ARHGEF18: variants seen among roughly 807,000 people sequenced by gnomAD.
ARHGEF18 encodes the protein Rho/Rac guanine nucleotide exchange factor 18.
Under a neutral mutation model 155.7 loss-of-function variants are expected in ARHGEF18, and 93 were observed. That is an observed-to-expected ratio of 0.60 (90% CI 0.50 to 0.71). ARHGEF18 has a LOEUF of 0.71. Ranked by LOEUF, ARHGEF18 falls within the 30% of genes least tolerant of loss-of-function variation. The probability of loss-of-function intolerance (pLI) is 0.00; values close to 1 mark genes in which losing one functional copy is unlikely to be tolerated. For synonymous variants in ARHGEF18, 742 were observed against 753.1 expected (o/e 0.99, Z 0.24); for missense variants, 1,593 against 1,816.1 (o/e 0.88, Z 2.23).
rs746160747 is a variant in ARHGEF18, at chr19:7,463,510, C to T, written c.2636-308C>T. On this transcript the variant is annotated intron_variant, in intron 21 of 28. Transcript: ENST00000668164. This position sits in a 1 kb window ranked among gnomAD's most constrained non-coding sequence, Gnocchi z 5.2. ...CCTGGGCAGGGCCACATCCAGCATTCGCCAGCCCCTGGCCCAGGGCGGCCT... is the reference window on the plus strand; with the variant it reads ...CCTGGGCAGGGCCACATCCAGCATTTGCCAGCCCCTGGCCCAGGGCGGCCT... 5.9e-5 allele frequency among the ~76,000 whole-genome samples: 9 copies of T among 152,212 alleles called. No individual in the cohort carries two copies. The highest frequency in any genetic ancestry group is 1.2e-4 in the Non-Finnish European group (8 of 68,038).
chr19:7,371,947 G>A (rs1003977319), intron 2 of ARHGEF18, among the ~76,000 whole-genome samples: 9 of 152,176 alleles, frequency 5.9e-5, no homozygotes, highest in Admixed American at 2.0e-4. Context: ...CAAACCCTGC[G>A]TAGCTCCTCC....
At chr19:7,406,790 C>T (rs1396594515) in intron 10 of ARHGEF18, among the ~76,000 whole-genome samples, 1 of 152,118 alleles carries the variant, frequency 6.6e-6, no homozygotes, top group Non-Finnish European at 1.5e-5. Context: ...CACAGTGGCT[C>T]ACGCCTGTAA....
At chr19:7,434,008 G>T (rs964994394) in intron 10 of ARHGEF18, among the ~76,000 whole-genome samples, 2 of 140,740 alleles carry the variant, frequency 1.4e-5, no homozygotes, top group African/African-American at 5.4e-5. Flanking sequence ...GACAGAGTGA[G>T]ATCTGTCTCA....
chr19:7,416,502 G>A (rs1004925604), intron 10 of ARHGEF18, among the ~76,000 whole-genome samples: 3 of 151,268 alleles, frequency 2.0e-5, no homozygotes, highest in African/African-American at 7.3e-5. Flanking sequence ...AGTGCAAGGA[G>A]GCTGTGATGT....
Position 7,441,721 on chromosome 19 carries a change from C to G in ARHGEF18, c.1175C>G (p.Ser392Cys), listed in dbSNP as rs1337146738. The change falls in exon 12 of 29, where the codon TCT becomes TGT. Residue 392 changes from serine (S) to cysteine (C), a missense_variant. Coordinates refer to ENST00000668164, the MANE Select transcript of ARHGEF18 (RefSeq NM_001367823.1). ...AAATTTAAGCAGACAGCTGATGACTCTCTGTCCCTTACATCTCCAAACACC... is the reference window on the plus strand; with the variant it reads ...AAATTTAAGCAGACAGCTGATGACTGTCTGTCCCTTACATCTCCAAACACC... ...FLKFKQTADD[S>C]LSLTSPNTES... The G allele has an allele frequency of 1.4e-5, 22 of 1,614,116 alleles. No individual in the cohort carries two copies. Among genetic ancestry groups the G allele is most frequent in the Non-Finnish European group, 1.6e-5 (19 of 1,180,058 alleles).
chr19:7,409,435 T>C (rs1426577602), intron 10 of ARHGEF18, among the ~76,000 whole-genome samples: 1 of 149,764 alleles, frequency 6.7e-6, no homozygotes, highest in African/African-American at 2.4e-5. Flanking sequence ...AGAGTCTTTT[T>C]TTTTTTTTTT....
At chr19:7,458,269 A>G (rs1975971802) in intron 18 of ARHGEF18, among the ~76,000 whole-genome samples, 1 of 148,390 alleles carries the variant, frequency 6.7e-6, no homozygotes, top group Non-Finnish European at 1.5e-5. Flanking sequence ...CCTGGGTGAC[A>G]GAGCAAGACC....
In ARHGEF18 at chr19:7,440,038, C is replaced by G; in HGVS notation, c.968-306C>G. The G allele has an allele frequency of 6.4e-7, 1 of 1,550,710 alleles. No homozygotes were observed. The stretch of plus-strand genomic sequence containing the variant: ...GCTCTGTTTTCTAGAAGGATCCCAC[C>G]GAGGCATAAAAACGGCGCAGCCCAG... On this transcript the variant is annotated intron_variant, in intron 10 of 28. Coordinates refer to ENST00000668164, the MANE Select transcript of ARHGEF18 (RefSeq NM_001367823.1). The surrounding 1 kb of genome is among the most constrained non-coding windows in gnomAD (Gnocchi z 5.4).
intron 14 of ARHGEF18, 123 bp from the exon 15 acceptor site, chr19:7,446,920 A>G: frequency 7.8e-7 from 1 of 1,280,924 alleles, no homozygotes; most frequent in Non-Finnish European, 1.1e-6. Context: ...AAGAAGAAGA[A>G]AGAAAGAAAA....
Position 7,362,788 on chromosome 19 carries a change from GC to G in ARHGEF18, c.-100del, listed in dbSNP as rs1341234290. On this transcript the variant is annotated 5_prime_UTR_variant, in exon 2 of 29. Transcript: ENST00000668164. ...TCCCTCCTTTCTCCACAGGCTCTGA[GC>G]CCAAGTCATGTGTCCAGCCTTTTGA... 3 of 1,234,080 alleles carry G rather than the reference GC, an allele frequency of 2.4e-6. No homozygotes were observed. Among genetic ancestry groups the G allele is most frequent in the Non-Finnish European group, 3.0e-6 (3 of 988,090 alleles). 76.4% of individuals were successfully genotyped at this position (1,234,080 alleles called of 1,614,324 possible). A position where few individuals can be genotyped will look rare whatever the true frequency, so the allele number is the denominator to read the frequency against.
downstream of ARHGEF18, chr19:7,472,566 G>A (rs1193899649): frequency 5.8e-6 from 1 of 173,506 alleles, no homozygotes; most frequent in African/African-American, 2.4e-5. Flanking sequence ...GGTTCTGTTG[G>A]GGGCTCCCCA....
At chr19:7,456,937 T>C (rs1975867905) in intron 18 of ARHGEF18, among the ~76,000 whole-genome samples, 1 of 152,030 alleles carries the variant, frequency 6.6e-6, no homozygotes, top group South Asian at 2.1e-4. Context: ...GGTTTCACCA[T>C]GTTGGCCAGG....
chr19:7,473,550 G>A (rs1272270744), downstream of ARHGEF18, among the ~76,000 whole-genome samples: 14 of 152,110 alleles, frequency 9.2e-5, no homozygotes, highest in South Asian at 1.0e-3. Flanking sequence ...AGTGGCTCAC[G>A]CGTGTAATCC....
chr19:7,459,538 C>G (rs747935114), intron 19 of ARHGEF18, among the ~76,000 whole-genome samples: 1 of 152,166 alleles, frequency 6.6e-6, no homozygotes, highest in Non-Finnish European at 1.5e-5. Context: ...TCTTGATTCC[C>G]GGAGGCTTCC....
Position 7,463,574 on chromosome 19 carries a change from A to C in ARHGEF18, c.2636-244A>C, listed in dbSNP as rs1285643713. ...GCAGGAGCCTGTACCCGCCCTCCCCATGGCTGCCCCACAGCCCTGTCCTCT... is the reference window on the plus strand; with the variant it reads ...GCAGGAGCCTGTACCCGCCCTCCCCCTGGCTGCCCCACAGCCCTGTCCTCT... On this transcript the variant is annotated intron_variant, in intron 21 of 28. Transcript: ENST00000668164. This position sits in a 1 kb window ranked among gnomAD's most constrained non-coding sequence, Gnocchi z 5.2. Among the ~76,000 whole-genome samples the C allele has an allele frequency of 6.6e-6, 1 of 152,050 alleles. No individual in the cohort carries two copies. Among genetic ancestry groups the C allele is most frequent in the Non-Finnish European group, 1.5e-5 (1 of 67,992 alleles).
At position 7,395,176 on chromosome 19, in the gene ARHGEF18, G is replaced by T; in HGVS notation, c.967+11973G>T. Reference sequence around the variant, plus strand: ...TACTGTGGATCTGGGGGGGCCGGACGGAGGCATCGGAGGCGGCTGCGAGAG... The same window carrying T: ...TACTGTGGATCTGGGGGGGCCGGACTGAGGCATCGGAGGCGGCTGCGAGAG... On this transcript the variant is annotated intron_variant, in intron 10 of 28. Transcript: ENST00000668164. The surrounding 1 kb of genome is among the most constrained non-coding windows in gnomAD (Gnocchi z 5.0). The T allele has an allele frequency of 2.0e-6, 2 of 986,118 alleles. No homozygotes were observed. The highest frequency in any genetic ancestry group is 9.4e-5 in the South Asian group (2 of 21,308). The allele number at this position is 986,118 out of a possible 1,614,324, so 61.1% of individuals were successfully genotyped here. A position where few individuals can be genotyped will look rare whatever the true frequency, so the allele number is the denominator to read the frequency against.
rs1248637475 is a variant in ARHGEF18 at position 7,463,114 on chromosome 19, G to A, written c.2636-704G>A. Among the ~76,000 whole-genome samples, 1 of 152,110 alleles carries A rather than the reference G, an allele frequency of 6.6e-6. No homozygotes were observed. Among genetic ancestry groups the A allele is most frequent in the East Asian group, 1.9e-4 (1 of 5,186 alleles). ...CTCCCAAGGTGCTGGGATTATAGGC[G>A]TGAGCCACCGCGCCCTGCCTCAATC... On this transcript the variant is annotated intron_variant, in intron 21 of 28. Coordinates refer to ENST00000668164, the MANE Select transcript of ARHGEF18 (RefSeq NM_001367823.1). This position sits in a 1 kb window ranked among gnomAD's most constrained non-coding sequence, Gnocchi z 5.2.
intron 10 of ARHGEF18, among the ~76,000 whole-genome samples, chr19:7,438,320 T>G (rs1203034923): frequency 6.6e-6 from 1 of 151,866 alleles, no homozygotes; most frequent in Non-Finnish European, 1.5e-5. Context: ...AGGCTGGTTT[T>G]GAACTCCTGG....
chr19:7,478,385 C>T, the ARHGEF18 span: 2 of 1,606,604 alleles, frequency 1.2e-6, no homozygotes, highest in Admixed American at 1.7e-5. Context: ...ACCTGCAGCA[C>T]CAGAGCCCGA....
Sources: allele counts gnomAD v4.1 joint callset (sites outside exome capture counted in the v4.1 genomes callset), GRCh38; gene constraint gnomAD v4.1.1; non-coding constraint Gnocchi (gnomAD v3.1); transcripts MANE v1.5; gene names NCBI Gene and HGNC (gene_info 2026-07-23, HGNC 2026-07-21).